The following GNL3L variants were observed in gnomAD, a reference collection of about 807,000 sequenced individuals.
GNL3L encodes guanine nucleotide-binding protein-like 3-like protein.
A neutral mutation model predicts 42.9 loss-of-function variants in GNL3L; 4 were observed. That is an observed-to-expected ratio of 0.09 (90% confidence interval 0.05 to 0.21). The LOEUF (loss-of-function observed/expected upper bound fraction) is 0.21. Ranked by LOEUF, GNL3L falls within the 10% of genes least tolerant of loss-of-function variation. The pLI is 1.00. For missense variants in GNL3L, 412 were observed against 481.7 expected (o/e 0.86, Z 1.36); for synonymous variants, 159 against 176.3 (o/e 0.90, Z 0.78).
the GNL3L span, among the ~76,000 whole-genome samples, chrX:54,645,143 A>G: frequency 9.0e-6 from 1 of 111,561 alleles, no homozygotes; most frequent in East Asian, 2.8e-4. Context: ...TTACACAGCT[A>G]TGTCATCAAC....
chrX:54,596,194 T>C (rs1925928943), intron 16 of GNL3L, among the ~76,000 whole-genome samples: 1 of 111,983 alleles, frequency 8.9e-6, no homozygotes. Context: ...TCTGGACTTG[T>C]TTGTACCCAT....
chrX:54,560,533 CA>C lies in GNL3L; in HGVS notation c.1682del (p.Lys561SerfsTer6). 1 of 1,170,524 alleles carries C rather than the reference CA, an allele frequency of 8.5e-7. No homozygotes were observed. Among genetic ancestry groups the C allele is most frequent in the Non-Finnish European group, 1.2e-6 (1 of 858,187 alleles). ...MQKRADKIASKLSDSMMSALD... is the reference protein window; with the variant it reads ...MQKRADKIASXLSDSMMSALD... ...CTCCATTTGCAGATAAAATCGCCAG[CA>C]AGCTGTCTGATTCCATGATGTCTGC... On this transcript the variant is annotated frameshift_variant, in exon 16 of 16. Coordinates refer to ENST00000360845, the MANE Select transcript of GNL3L (RefSeq NM_001184819.2). LOFTEE classifies it high-confidence loss of function.
chrX:54,585,594 T>G (rs1353322839), intron 16 of GNL3L, among the ~76,000 whole-genome samples: 2 of 112,053 alleles, frequency 1.8e-5, no homozygotes, highest in Non-Finnish European at 3.8e-5. Flanking sequence ...CAGTGTCAGT[T>G]GTAATATCTC....
chrX:54,596,431 C>G (rs1018308628), intron 16 of GNL3L, among the ~76,000 whole-genome samples: 2 of 111,934 alleles, frequency 1.8e-5, no homozygotes, highest in Non-Finnish European at 3.8e-5. Context: ...TCTCTCTGTT[C>G]TGAACCACCT....
chrX:54,585,560 A>G (rs183447591), intron 16 of GNL3L, among the ~76,000 whole-genome samples: 16 of 112,000 alleles, frequency 1.4e-4, no homozygotes, highest in Admixed American at 3.8e-4. Context: ...TCATAATAAT[A>G]TCTTACAATC....
At chrX:54,629,148 T>A in the GNL3L span, among the ~76,000 whole-genome samples, 2 of 110,028 alleles carry the variant, frequency 1.8e-5, no homozygotes, top group African/African-American at 6.6e-5. Context: ...ATTTATCAGA[T>A]CTAGAAGCTT....
chrX:54,614,275 C>T (rs1225732512), intron 16 of GNL3L, among the ~76,000 whole-genome samples: 1 of 111,328 alleles, frequency 9.0e-6, no homozygotes, highest in African/African-American at 3.3e-5. Context: ...CACTGTGCCC[C>T]CACAACAGCC....
chrX:54,538,917 A>G (rs1426056373), intron 2 of GNL3L, 123 bp from the exon 3 acceptor site: 10 of 450,852 alleles, frequency 2.2e-5, no homozygotes, highest in Admixed American at 1.2e-4. Flanking sequence ...TGCTGGATCT[A>G]GACAGACATG....
chrX:54,592,596 G>A (rs1402493712), intron 16 of GNL3L, among the ~76,000 whole-genome samples: 4 of 111,090 alleles, frequency 3.6e-5, no homozygotes, highest in African/African-American at 6.6e-5. Context: ...CAGGTGGATC[G>A]CTTGAGCCCA....
intron 16 of GNL3L, among the ~76,000 whole-genome samples, chrX:54,607,069 T>C (rs1926091747): frequency 4.9e-5 from 3 of 61,111 alleles, no homozygotes; most frequent in African/African-American, 2.0e-4. Flanking sequence ...TCTTTCTTTC[T>C]TTCTCTTTCT....
At chrX:54,587,387 C>A (rs987904887) in intron 16 of GNL3L, among the ~76,000 whole-genome samples, 2 of 112,069 alleles carry the variant, frequency 1.8e-5, no homozygotes, top group Admixed American at 9.5e-5. Context: ...GGAGTCTATT[C>A]CTCACTTTAT....
chrX:54,588,662 T>A (rs1218224024), intron 16 of GNL3L, among the ~76,000 whole-genome samples: 1 of 111,247 alleles, frequency 9.0e-6, no homozygotes, highest in Non-Finnish European at 1.9e-5. Flanking sequence ...CTGTCTCTAC[T>A]AAAAATACAA....
chrX:54,563,865 T>A lies in GNL3L; in HGVS notation c.*3263T>A, dbSNP rs185315907. Among the ~76,000 whole-genome samples the A allele has an allele frequency of 1.8e-5, 2 of 111,881 alleles. No individual in the cohort carries two copies. Among genetic ancestry groups the A allele is most frequent in the South Asian group, 3.7e-4 (1 of 2,682 alleles). On this transcript the variant is annotated 3_prime_UTR_variant, in exon 16 of 16. Coordinates refer to ENST00000360845, the MANE Select transcript of GNL3L (RefSeq NM_001184819.2). ...TACAGCATATCTCAAAGGTTTTTTT[T>A]AAAAAAGTATTTTCTTAACTTTTTA...
chrX:54,591,829 AT>A (rs902537815), intron 16 of GNL3L, among the ~76,000 whole-genome samples: 76 of 109,604 alleles, frequency 6.9e-4, no homozygotes, highest in South Asian at 1.5e-3. Flanking sequence ...AAATTTAAGG[AT>A]TTTTTTTTCT....
chrX:54,558,376 A>G, intron 14 of GNL3L, 60 bp from the exon 15 acceptor site: 1 of 828,709 alleles, frequency 1.2e-6, no homozygotes, highest in Non-Finnish European at 1.8e-6. Context: ...TTTCTGCAGA[A>G]GTCTTTGGAG....
intron 2 of GNL3L, 117 bp downstream of exon 2, chrX:54,532,702 C>T: frequency 1.6e-6 from 1 of 630,690 alleles, no homozygotes; most frequent in Admixed American, 2.3e-5. Flanking sequence ...GCTCTGTCAC[C>T]TAGGCTGGAG....
intron 16 of GNL3L, among the ~76,000 whole-genome samples, chrX:54,587,374 G>A (rs1280578557): frequency 8.9e-6 from 1 of 112,298 alleles, no homozygotes; most frequent in East Asian, 2.8e-4. Flanking sequence ...TATTTATTGT[G>A]TTGGAGTCTA....
In GNL3L at chrX:54,541,395, A is replaced by G; in HGVS notation, c.306+6A>G. 9.2e-7 allele frequency: 1 copy of G among 1,082,720 alleles called. No homozygotes were observed. Among genetic ancestry groups the G allele is most frequent in the Non-Finnish European group, 1.3e-6 (1 of 780,009 alleles). The allele number at this position is 1,082,720 out of a possible 1,213,427, so 89.2% of individuals were successfully genotyped here. On this transcript the variant is annotated splice_donor_region_variant and intron_variant, in intron 5 of 15. Transcript: ENST00000360845. Reference sequence around the variant, plus strand: ...AGGAGGAGTTTGAGCATAAGGTAAGAGTGCAGCCCTTGCCCCTGGGTAGGT... The same window carrying G: ...AGGAGGAGTTTGAGCATAAGGTAAGGGTGCAGCCCTTGCCCCTGGGTAGGT...
At chrX:54,581,491 T>A (rs1925714402) in intron 16 of GNL3L, among the ~76,000 whole-genome samples, 1 of 112,452 alleles carries the variant, frequency 8.9e-6, no homozygotes, top group Non-Finnish European at 1.9e-5. Flanking sequence ...TGCCTCGGAC[T>A]CTCACAGTGT....
Sources: gnomAD v4.1 joint callset for allele counts (sites outside exome capture counted in the v4.1 genomes callset) on GRCh38, gnomAD v4.1.1 for gene constraint, MANE v1.5 for transcripts, NCBI Gene and HGNC (gene_info 2026-07-23, HGNC 2026-07-21) for gene names.